Variants in NNT observed in about 807,000 individuals in gnomAD.
NNT encodes nicotinamide nucleotide transhydrogenase, also known as NAD(P) transhydrogenase, mitochondrial.
A neutral mutation model predicts 104.8 loss-of-function variants in NNT; 50 were observed. The ratio of observed to expected loss-of-function variants is 0.48; its 90% confidence interval spans 0.38 to 0.60. The LOEUF is 0.60. Ranked by LOEUF, NNT falls within the 20% of genes least tolerant of loss-of-function variation. The pLI is 0.00. For synonymous variants in NNT, 461 were observed against 490.4 expected, an observed-to-expected ratio of 0.94 and a Z score of 0.79; for missense variants, 1,131 against 1,330.7, an observed-to-expected ratio of 0.85 and a Z score of 2.33.
intron 16 of NNT, among the ~76,000 whole-genome samples, chr5:43,658,578 C>G (rs917341583): frequency 3.9e-5 from 6 of 152,074 alleles, no homozygotes; most frequent in African/African-American, 1.4e-4. Context: ...CAGCTGAAAT[C>G]TATTGTTATT....
chr5:43,667,127 C>T lies in NNT; in HGVS notation c.2634+7777C>T. On this transcript the variant is annotated intron_variant, in intron 17 of 21. Coordinates refer to ENST00000344920, the MANE Select transcript of NNT (RefSeq NM_182977.3). ...TGCATGTTCCTCAGGAACTTGGGGT[C>T]CACCCCCTTAAGAGATTCGTATCTT... is the stretch of plus-strand genomic sequence containing the variant. The T allele has an allele frequency of 2.7e-6, 4 of 1,501,260 alleles. No homozygotes were observed. The South Asian group carries it at 3.4e-5, about 13-fold the overall frequency. The allele number at this position is 1,501,260 out of a possible 1,614,324, so 93.0% of individuals were successfully genotyped here.
chr5:43,615,464 C>T (rs1749738925), intron 3 of NNT, among the ~76,000 whole-genome samples: 1 of 152,232 alleles, frequency 6.6e-6, no homozygotes, highest in Non-Finnish European at 1.5e-5. Context: ...GGATTGAACA[C>T]ACAACAAAAC....
Position 43,706,900 on chromosome 5 carries a change from CA to C in NNT, c.*2497del. The C allele has an allele frequency of 6.6e-6, 1 of 152,206 alleles. No individual in the cohort carries two copies. Among genetic ancestry groups the C allele is most frequent in the African/African-American group, 2.4e-5 (1 of 41,426 alleles). The allele number at this position is 152,206 out of a possible 1,614,324, so 9.4% of individuals were successfully genotyped here. On this transcript the variant is annotated 3_prime_UTR_variant, in exon 22 of 22. Transcript: ENST00000344920. ...AAACCAAACACTGCATGTTCTCACTCATAGGTGGGAATTGAACAATGAGAAC... is the reference window on the plus strand; with the variant it reads ...AAACCAAACACTGCATGTTCTCACTCTAGGTGGGAATTGAACAATGAGAAC...
chr5:43,607,089 T>C (rs899183564), intron 1 of NNT, among the ~76,000 whole-genome samples: 2 of 151,970 alleles, frequency 1.3e-5, no homozygotes, highest in African/African-American at 4.8e-5. Flanking sequence ...CTGCAACCTT[T>C]GCCTCCCAAG....
chr5:43,614,636 T>G (rs1188258211), intron 3 of NNT, among the ~76,000 whole-genome samples: 2 of 152,106 alleles, frequency 1.3e-5, no homozygotes, highest in Admixed American at 1.3e-4. Flanking sequence ...TGAGGTGAAA[T>G]GCTGTGAGAT....
chr5:43,650,964 C>T (rs980212441), intron 12 of NNT, among the ~76,000 whole-genome samples: 3 of 152,184 alleles, frequency 2.0e-5, no homozygotes, highest in African/African-American at 7.2e-5. Context: ...AACTGAAAGC[C>T]TAGCACATCA....
intron 7 of NNT, among the ~76,000 whole-genome samples, chr5:43,631,142 C>A (rs553424358): frequency 1.1e-4 from 17 of 152,256 alleles, no homozygotes; most frequent in African/African-American, 4.1e-4. Context: ...CCCCCCAGAG[C>A]GGCTAGATGA....
intron 17 of NNT, among the ~76,000 whole-genome samples, chr5:43,660,987 T>A (rs1392769989): frequency 1.3e-5 from 2 of 152,228 alleles, no homozygotes; most frequent in Admixed American, 1.3e-4. Context: ...AGGATTTTTC[T>A]TATGATTTAA....
At chr5:43,657,391 A>G (rs748826332) in intron 16 of NNT, among the ~76,000 whole-genome samples, 3 of 152,210 alleles carry the variant, frequency 2.0e-5, no homozygotes, top group African/African-American at 4.8e-5. Flanking sequence ...TTAGTTGTCT[A>G]TGTGACAGTC....
rs1561336150 is a variant in NNT, at chr5:43,702,510, C to G, written c.2996-111C>G. On this transcript the variant is annotated intron_variant, in intron 20 of 21. Transcript: ENST00000344920. The stretch of plus-strand genomic sequence containing the variant: ...AAAGTGCCTGGCACAAGTGCGAATC[C>G]TATATTTTTGTTATTGTTATTATAA... 3 of 671,330 alleles carry G rather than the reference C, an allele frequency of 4.5e-6. No homozygotes were observed. The African/African-American group carries it at 5.6e-5, about 12-fold the overall frequency. The allele number at this position is 671,330 out of a possible 1,614,324, so 41.6% of individuals were successfully genotyped here. A position where few individuals can be genotyped will look rare whatever the true frequency, so the allele number is the denominator to read the frequency against.
rs776826319 is a variant in NNT, at chr5:43,609,295, C to T, written c.100C>T (p.Arg34Ter). 11 of 1,613,966 alleles carry T rather than the reference C, an allele frequency of 6.8e-6. No homozygotes were observed. Among genetic ancestry groups the T allele is most frequent in the South Asian group, 1.1e-5 (1 of 91,082 alleles). ...KGLRVKKDFL[R>*]TFYTHQELWC... is the part of the protein sequence containing the mutation. Reference sequence around the variant, plus strand: ...TCTACGTGTGAAGAAGGATTTTTTACGAACATTTTATACTCACCAAGAACT... The same window carrying T: ...TCTACGTGTGAAGAAGGATTTTTTATGAACATTTTATACTCACCAAGAACT... The change falls in exon 2 of 22, where the codon CGA (arginine) becomes TGA (stop). Residue 34 changes from arginine (R) to a stop codon, truncating the protein, a stop_gained. Transcript: ENST00000344920. LOFTEE classifies it high-confidence loss of function.
At chr5:43,691,592 AT>A (rs1363594370) in intron 19 of NNT, among the ~76,000 whole-genome samples, 1 of 152,210 alleles carries the variant, frequency 6.6e-6, no homozygotes, top group African/African-American at 2.4e-5. Flanking sequence ...TTAATTTGAA[AT>A]GTTGATTTGA....
chr5:43,679,819 T>G (rs558647318), intron 19 of NNT, among the ~76,000 whole-genome samples: 1 of 152,132 alleles, frequency 6.6e-6, no homozygotes, highest in Non-Finnish European at 1.5e-5. Context: ...ACCAAAGCCT[T>G]TTCATGAGAG....
chr5:43,652,227 T>C (rs1739805810), intron 13 of NNT, among the ~76,000 whole-genome samples: 1 of 152,206 alleles, frequency 6.6e-6, no homozygotes, highest in Non-Finnish European at 1.5e-5. Flanking sequence ...AATACAAAAT[T>C]TGAAAAATTA....
chr5:43,704,683 T>C lies in NNT; in HGVS notation c.*279T>C, dbSNP rs1228013244. 1 of 320,440 alleles carries C rather than the reference T, an allele frequency of 3.1e-6. No homozygotes were observed. Among genetic ancestry groups the C allele is most frequent in the Non-Finnish European group, 5.8e-6 (1 of 173,488 alleles). The allele number at this position is 320,440 out of a possible 1,614,324, so 19.8% of individuals were successfully genotyped here. A position where few individuals can be genotyped will look rare whatever the true frequency, so the allele number is the denominator to read the frequency against. ...AAAAGGAGAAAGAACAGCCTCATTT[T>C]AGATGTAGTCCTGTTGGATTTTTTA... On this transcript the variant is annotated 3_prime_UTR_variant, in exon 22 of 22. Coordinates refer to ENST00000344920, the MANE Select transcript of NNT (RefSeq NM_182977.3).
At position 43,704,431 on chromosome 5, in the gene NNT, T is replaced by C. The variant is rs191475277; in HGVS notation, c.*27T>C. On this transcript the variant is annotated 3_prime_UTR_variant, in exon 22 of 22. Transcript: ENST00000344920. ...TATTAAGGATCAAGCTGTTAGCTAA[T>C]AATGCCACCTCTGCAGTTTTGGGAA... The C allele has an allele frequency of 1.3e-5, 21 of 1,612,002 alleles. No homozygotes were observed. Among genetic ancestry groups the C allele is most frequent in the Non-Finnish European group, 1.6e-5 (19 of 1,178,816 alleles).
intron 19 of NNT, among the ~76,000 whole-genome samples, chr5:43,684,487 C>A (rs1425829585): frequency 6.6e-6 from 1 of 152,016 alleles, no homozygotes; most frequent in Non-Finnish European, 1.5e-5. Context: ...GGAAGCCTCA[C>A]CAGAGATGTT....
intron 17 of NNT, among the ~76,000 whole-genome samples, chr5:43,669,933 C>T (rs949018994): frequency 4.9e-4 from 74 of 151,926 alleles, no homozygotes; most frequent in Non-Finnish European, 3.7e-4. Flanking sequence ...GGTTGGTAGG[C>T]TATTAATTAT....
intron 16 of NNT, among the ~76,000 whole-genome samples, chr5:43,657,571 ATACT>A (rs1302274737): frequency 3.3e-5 from 5 of 152,234 alleles, no homozygotes. Flanking sequence ...TGCTTATGAA[ATACT>A]TACTGGCTCC....
Sources: gnomAD v4.1 joint callset for allele counts (sites outside exome capture counted in the v4.1 genomes callset) on GRCh38, gnomAD v4.1.1 for gene constraint, MANE v1.5 for transcripts, NCBI Gene and HGNC (gene_info 2026-07-23, HGNC 2026-07-21) for gene names.